The following RETREG1 variants were observed in gnomAD, a reference collection of about 807,000 sequenced individuals.
RETREG1 encodes family with sequence similarity 134 member B.
A neutral mutation model predicts 54.8 loss-of-function variants in RETREG1; 44 were observed. That is an observed-to-expected ratio of 0.80 (90% CI 0.63 to 1.03). The LOEUF is 1.03. Among genes scored for constraint, RETREG1 ranks in the 50% least tolerant of loss-of-function variants. The pLI, the probability that RETREG1 is intolerant of heterozygous loss-of-function variation, is 0.00. For synonymous variants in RETREG1, 217 were observed against 238.5 expected, an observed-to-expected ratio of 0.91 and a Z score of 0.83; for missense variants, 554 against 605.1, an observed-to-expected ratio of 0.92 and a Z score of 0.89.
At chr5:16,509,075 C>T (rs1740085451) in intron 3 of RETREG1, 6 of 970,444 alleles carry the variant, frequency 6.2e-6, no homozygotes, top group Non-Finnish European at 6.1e-6. Flanking sequence ...TAGGCACCCA[C>T]CTAAGGGTGG....
rs554902493 is a variant in RETREG1 at position 16,569,379 on chromosome 5, A to T, written c.427+2617T>A. Reference sequence around the variant, plus strand: ...GTGAAGACTGAAAGCCTGTCCTTGGACAACGGCCTGATCTACAGGATTGCA... The same window carrying T: ...GTGAAGACTGAAAGCCTGTCCTTGGTCAACGGCCTGATCTACAGGATTGCA... On this transcript the variant is annotated intron_variant, in intron 2 of 8. Transcript: ENST00000306320. 6.0e-5 allele frequency among the ~76,000 whole-genome samples: 9 copies of T among 151,148 alleles called. No individual in the cohort carries two copies. The East Asian group carries it at 1.8e-3, about 30-fold the overall frequency.
intron 2 of RETREG1, 48 bp from the exon 3 acceptor site, chr5:16,565,841 T>G: frequency 6.3e-7 from 1 of 1,594,008 alleles, no homozygotes; most frequent in East Asian, 2.2e-5. Flanking sequence ...GGTATTTTTC[T>G]CCTGAAATAT....
intron 1 of RETREG1, among the ~76,000 whole-genome samples, chr5:16,595,891 T>C (rs540084874): frequency 6.6e-6 from 1 of 152,274 alleles, no homozygotes; most frequent in South Asian, 2.1e-4. Context: ...AAAGACATGG[T>C]TGGGCCAATA....
intron 2 of RETREG1, 136 bp downstream of exon 2, chr5:16,571,860 G>A (rs568142427): frequency 4.1e-5 from 27 of 660,968 alleles, no homozygotes; most frequent in African/African-American, 7.3e-5. Context: ...ATAAATTATC[G>A]TATTGAAAAC....
chr5:16,518,895 C>T (rs1307202542), intron 3 of RETREG1, among the ~76,000 whole-genome samples: 6 of 152,172 alleles, frequency 3.9e-5, no homozygotes, highest in African/African-American at 9.7e-5. Context: ...TCCAATGTCA[C>T]CAATACAGAA....
intron 3 of RETREG1, among the ~76,000 whole-genome samples, chr5:16,558,005 T>C (rs148169689): frequency 6.6e-5 from 10 of 151,400 alleles, no homozygotes; most frequent in African/African-American, 2.4e-4. Flanking sequence ...GTGGGCTTGT[T>C]ATAAAAGTGA....
chr5:16,506,570 C>T (rs771482130), intron 3 of RETREG1, among the ~76,000 whole-genome samples: 3 of 151,388 alleles, frequency 2.0e-5, no homozygotes, highest in African/African-American at 4.9e-5. Context: ...ACCTCCCGGG[C>T]TCAGGTGATC....
At chr5:16,601,753 T>G (rs1323674705) in intron 1 of RETREG1, among the ~76,000 whole-genome samples, 1 of 152,120 alleles carries the variant, frequency 6.6e-6, no homozygotes, top group Non-Finnish European at 1.5e-5. Flanking sequence ...GACATAAGTT[T>G]CCAGCTGAGA....
At chr5:16,482,534 G>C (rs1738823616) in intron 4 of RETREG1, among the ~76,000 whole-genome samples, 3 of 151,510 alleles carry the variant, frequency 2.0e-5, no homozygotes. Flanking sequence ...ATGTCTCCAA[G>C]CATAGTTCTA....
intron 1 of RETREG1, among the ~76,000 whole-genome samples, chr5:16,604,974 T>TGAC (rs2126365727): frequency 6.6e-6 from 1 of 152,216 alleles, no homozygotes; most frequent in African/African-American, 2.4e-5. Flanking sequence ...AGTATAGGGG[T>TGAC]GACTACAATA....
Position 16,616,813 on chromosome 5 carries a change from C to G in RETREG1, c.159G>C (p.Ala53=). ...EAQEAGAAEG[A]GLQVEEAAGR... Reference sequence around the variant, plus strand: ...CCGCGGCCTCCTCCACCTGCAACCCCGCGCCCTCCGCCGCCCCAGCTTCCT... The same window carrying G: ...CCGCGGCCTCCTCCACCTGCAACCCGGCGCCCTCCGCCGCCCCAGCTTCCT... Residue 53 remains alanine (A), a synonymous_variant, in exon 1 of 9, where the codon GCG becomes GCC. Transcript: ENST00000306320. The G allele has an allele frequency of 6.6e-7, 1 of 1,518,510 alleles. No individual in the cohort carries two copies. Among genetic ancestry groups the G allele is most frequent in the East Asian group, 2.6e-5 (1 of 38,598 alleles). The allele number at this position is 1,518,510 out of a possible 1,614,324, so 94.1% of individuals were successfully genotyped here.
At chr5:16,523,050 AGG>A (rs1561103265) in intron 3 of RETREG1, among the ~76,000 whole-genome samples, 1 of 151,928 alleles carries the variant, frequency 6.6e-6, no homozygotes, top group East Asian at 1.9e-4. Context: ...AGAGAGAGAG[AGG>A]GAAGAAGGGA....
chr5:16,574,105 T>G (rs528364180), intron 1 of RETREG1, among the ~76,000 whole-genome samples: 1 of 152,116 alleles, frequency 6.6e-6, no homozygotes, highest in South Asian at 2.1e-4. Flanking sequence ...GCAACTCAGA[T>G]GAAAATAGAG....
chr5:16,492,229 T>TCTCTCTCTCACACA (rs1406702350), intron 3 of RETREG1, among the ~76,000 whole-genome samples: 14 of 110,642 alleles, frequency 1.3e-4, no homozygotes, highest in African/African-American at 3.4e-4. Context: ...TCTCTCTCTC[T>TCTCTCTCTCACACA]CACACACACA....
At chr5:16,507,038 T>C (rs1378688375) in intron 3 of RETREG1, among the ~76,000 whole-genome samples, 1 of 152,230 alleles carries the variant, frequency 6.6e-6, no homozygotes, top group Non-Finnish European at 1.5e-5. Flanking sequence ...TGTTAACCAG[T>C]AAAGCATTCT....
intron 1 of RETREG1, among the ~76,000 whole-genome samples, chr5:16,595,491 G>C (rs552600943): frequency 6.6e-6 from 1 of 152,244 alleles, no homozygotes; most frequent in African/African-American, 2.4e-5. Flanking sequence ...GCAGACACAA[G>C]TAATAACTTG....
chr5:16,586,139 G>A (rs1290031998), intron 1 of RETREG1, among the ~76,000 whole-genome samples: 1 of 152,180 alleles, frequency 6.6e-6, no homozygotes, highest in Non-Finnish European at 1.5e-5. Context: ...AGGGAAGAAA[G>A]AAAGAAACGG....
At chr5:16,575,191 T>A (rs1318939705) in intron 1 of RETREG1, among the ~76,000 whole-genome samples, 2 of 152,244 alleles carry the variant, frequency 1.3e-5, no homozygotes, top group East Asian at 1.9e-4. Flanking sequence ...TTACAATTCA[T>A]AATGCAGTTC....
chr5:16,557,535 G>T (rs987386795), intron 3 of RETREG1, among the ~76,000 whole-genome samples: 5 of 152,232 alleles, frequency 3.3e-5, no homozygotes, highest in South Asian at 2.1e-4. Context: ...CTGGCTAAGA[G>T]CTTGCTGTCA....
Sources: gnomAD v4.1 joint callset for allele counts (sites outside exome capture counted in the v4.1 genomes callset) on GRCh38, gnomAD v4.1.1 for gene constraint, MANE v1.5 for transcripts, NCBI Gene and HGNC (gene_info 2026-07-23, HGNC 2026-07-21) for gene names.